Variants in CHPF2 observed in about 807,000 individuals in gnomAD.
The protein encoded by CHPF2 is chondroitin polymerizing factor 2, non-catalytic subunit.
In CHPF2, 58 loss-of-function variants were observed where a neutral mutation model predicts 63.0. The observed-to-expected ratio is 0.92, with a 90% CI of 0.75 to 1.15. CHPF2 has a LOEUF of 1.15. Among genes scored for constraint, CHPF2 ranks in the 50% most tolerant of loss-of-function variants. The pLI, the probability that CHPF2 is intolerant of heterozygous loss-of-function variation, is 0.00. For synonymous variants in CHPF2, 442 were observed against 438.0 expected, an observed-to-expected ratio of 1.01 and a Z score of -0.11; for missense variants, 1,045 against 1,035.4, an observed-to-expected ratio of 1.01 and a Z score of -0.13.
chr7:151,236,557 G>T lies in CHPF2; in HGVS notation c.978G>T (p.Leu326Phe), dbSNP rs1447473256. The change falls in exon 3 of 4, where the codon TTG becomes TTT. Residue 326 changes from leucine (L) to phenylalanine (F), a missense_variant. Transcript: ENST00000035307. The stretch of plus-strand genomic sequence containing the variant: ...ACAAACGCTTCAGCGCTCTGGAGTT[G>T]GAGCGGGCTTACAGTGAAATAGAAC... ...RLHKRFSALE[L>F]ERAYSEIEQL... The T allele has an allele frequency of 6.3e-7, 1 of 1,598,756 alleles. No homozygotes were observed. Among genetic ancestry groups the T allele is most frequent in the Non-Finnish European group, 8.6e-7 (1 of 1,169,384 alleles).
rs145255413 is a variant in CHPF2, at chr7:151,233,399, A to G, written c.-613A>G. The G allele has an allele frequency of 9.5e-4, 932 of 985,670 alleles. 4 individuals are homozygous for G. The African/African-American group carries it at 0.015, about 16-fold the overall frequency. The allele number at this position is 985,670 out of a possible 1,614,324, so 61.1% of individuals were successfully genotyped here. A position where few individuals can be genotyped will look rare whatever the true frequency, so the allele number is the denominator to read the frequency against. ...TTCCTGTAGCCGTTGCGTCTTCTCA[A>G]ACACGGGGAGCAGAGTAGAAAGAGG... On this transcript the variant is annotated 5_prime_UTR_variant, in exon 1 of 4. Coordinates refer to ENST00000035307, the MANE Select transcript of CHPF2 (RefSeq NM_019015.3).
rs2252694 is a variant in CHPF2 at position 151,233,879 on chromosome 7, C to T, written c.-133C>T. On this transcript the variant is annotated 5_prime_UTR_variant, in exon 1 of 4. Coordinates refer to ENST00000035307, the MANE Select transcript of CHPF2 (RefSeq NM_019015.3). ...GCTGGTCCTGGAAGCCAGCGGGCCT[C>T]GCTCTGTCTTTGGCCTCATTGACCC... 888,977 of 1,296,992 alleles carry T rather than the reference C, an allele frequency of 0.69. 306,770 individuals carry two copies. The highest frequency in any genetic ancestry group is 0.9 in the East Asian group (31,205 of 34,786). The allele number at this position is 1,296,992 out of a possible 1,614,324, so 80.3% of individuals were successfully genotyped here. A position where few individuals can be genotyped will look rare whatever the true frequency, so the allele number is the denominator to read the frequency against.
In CHPF2 at chr7:151,236,511, G is replaced by A; in HGVS notation, c.932G>A (p.Gly311Asp). ...TTCGCCGTGCACCCTGTCTCCGAAG[G>A]TACCCTCATGTACCGGCTCCACAAA... The part of the protein sequence containing the change: ...SAFAVHPVSE[G>D]TLMYRLHKRF... The change falls in exon 3 of 4, where the codon GGT (glycine) becomes GAT (aspartate). Residue 311 changes from glycine to aspartate, a missense_variant. Physicochemically the swap from Gly to Asp is moderately conservative, Grantham distance 94 (BLOSUM62 -1). Transcript: ENST00000035307. 1 of 1,610,364 alleles carries A rather than the reference G, an allele frequency of 6.2e-7. No individual in the cohort carries two copies. The highest frequency in any genetic ancestry group is 8.5e-7 in the Non-Finnish European group (1 of 1,177,078).
chr7:151,237,742 G>T lies in CHPF2; in HGVS notation c.1380G>T (p.Arg460=). ...LECVTQRGHR[R]ALARRVSLLR... ...GTGTGACACAGCGTGGGCACCGGCG[G>T]GCCCTGGCTCGCAGGGTCAGCCTGC... Residue 460 remains arginine, a synonymous_variant, in exon 4 of 4, where the codon CGG becomes CGT. Transcript: ENST00000035307. 1.2e-6 allele frequency: 2 copies of T among 1,612,504 alleles called. No individual in the cohort carries two copies. Among genetic ancestry groups the T allele is most frequent in the South Asian group, 2.2e-5 (2 of 91,082 alleles).
At position 151,232,755 on chromosome 7, in the gene CHPF2, C is replaced by G; in HGVS notation, c.-1257C>G. On this transcript the variant is annotated 5_prime_UTR_variant, in exon 1 of 4. Coordinates refer to ENST00000035307, the MANE Select transcript of CHPF2 (RefSeq NM_019015.3). ...TGGGCGTCCCTCCTGGTCCTGCGCT[C>G]GCGGCCTCGATGCTGTCTCTGGCGC... is the stretch of plus-strand genomic sequence containing the variant. 6.6e-7 allele frequency: 1 copy of G among 1,508,592 alleles called. No individual in the cohort carries two copies. The highest frequency in any genetic ancestry group is 2.8e-5 in the East Asian group (1 of 36,162). 93.5% of individuals were successfully genotyped at this position (1,508,592 alleles called of 1,614,324 possible). A position where few individuals can be genotyped will look rare whatever the true frequency, so the allele number is the denominator to read the frequency against.
At position 151,236,498 on chromosome 7, in the gene CHPF2, CCT is replaced by C. The variant is rs1420184091; in HGVS notation, c.920_921del (p.Pro307ArgfsTer25). On this transcript the variant is annotated frameshift_variant, in exon 3 of 4. Transcript: ENST00000035307. LOFTEE classifies it high-confidence loss of function. ...TTTCCTGAGTGCCTTCGCCGTGCAC[CCT>C]GTCTCCGAAGGTACCCTCATGTACC... is the stretch of plus-strand genomic sequence containing the variant. ...SAFLSAFAVH[P>X]VSEGTLMYRL... 1 of 1,611,316 alleles carries C rather than the reference CCT, an allele frequency of 6.2e-7. No individual in the cohort carries two copies. Among genetic ancestry groups the C allele is most frequent in the Non-Finnish European group, 8.5e-7 (1 of 1,177,900 alleles).
Position 151,238,046 on chromosome 7 carries a change from G to T in CHPF2, c.1684G>T (p.Ala562Ser). ...LERRYPGTRL[A>S]WLAVRAEAPS... ...GCGACGGTACCCTGGGACGAGGCTG[G>T]CCTGGCTCGCTGTGCGAGCAGAGGC... The change falls in exon 4 of 4, where the codon GCC becomes TCC. Residue 562 changes from alanine (A) to serine (S), a missense_variant. Ala to Ser is a moderately conservative substitution (Grantham distance 99). Coordinates refer to ENST00000035307, the MANE Select transcript of CHPF2 (RefSeq NM_019015.3). 1 of 1,612,548 alleles carries T rather than the reference G, an allele frequency of 6.2e-7. No homozygotes were observed. The highest frequency in any genetic ancestry group is 8.5e-7 in the Non-Finnish European group (1 of 1,180,032).
chr7:151,238,417 GCTGGCAGGTGAA>G lies in CHPF2; in HGVS notation c.2064_2075del (p.Glu689_Gly692del), dbSNP rs749506887. On this transcript the variant is annotated inframe_deletion, in exon 4 of 4. Transcript: ENST00000035307. ...CTGACTACCTGGCGGCCCGAGCCCGGCTGGCAGGTGAACTGGCAGGCCAGGAAGAGGAGGAAG... is the reference window on the plus strand; with the variant it reads ...CTGACTACCTGGCGGCCCGAGCCCGGCTGGCAGGCCAGGAAGAGGAGGAAG... 10 of 1,596,042 alleles carry G rather than the reference GCTGGCAGGTGAA, an allele frequency of 6.3e-6. No individual in the cohort carries two copies. In the Admixed American group the frequency reaches 6.9e-5, roughly 11 times the overall value.
Position 151,232,532 on chromosome 7 carries a change from G to C in CHPF2, c.-1480G>C. 1 of 507,946 alleles carries C rather than the reference G, an allele frequency of 2.0e-6. No homozygotes were observed. Among genetic ancestry groups the C allele is most frequent in the Non-Finnish European group, 3.4e-6 (1 of 290,006 alleles). 31.5% of individuals were successfully genotyped at this position (507,946 alleles called of 1,614,324 possible). A position where few individuals can be genotyped will look rare whatever the true frequency, so the allele number is the denominator to read the frequency against. ...TGAGGTGGCAGCGGCTGCAGCGGCG[G>C]AGCCGGCGCCTCAGCGGGCACTGGG... On this transcript the variant is annotated 5_prime_UTR_variant, in exon 1 of 4. Transcript: ENST00000035307.
rs1424798066 is a variant in CHPF2, at chr7:151,237,763, C to T, written c.1401C>T (p.Ser467=). 2.5e-6 allele frequency: 4 copies of T among 1,612,260 alleles called. No individual in the cohort carries two copies. Among genetic ancestry groups the T allele is most frequent in the East Asian group, 4.5e-5 (2 of 44,892 alleles). ...GHRRALARRV[S]LLRPLSRVEI... The stretch of plus-strand genomic sequence containing the variant: ...GGCGGGCCCTGGCTCGCAGGGTCAG[C>T]CTGCTGCGGCCACTGAGCCGGGTGG... Residue 467 remains serine, a synonymous_variant, in exon 4 of 4, where the codon AGC becomes AGT. Transcript: ENST00000035307.
At chr7:151,237,337 G>C in intron 3 of CHPF2, 37 bp from the exon 4 acceptor site, 2 of 1,515,390 alleles carry the variant, frequency 1.3e-6, no homozygotes, top group South Asian at 2.5e-5. Flanking sequence ...GGATCCTGGA[G>C]CTGGCACTAA....
intron 3 of CHPF2, chr7:151,236,844 ACT>A (rs1802668217): frequency 5.0e-6 from 3 of 596,920 alleles, no homozygotes; most frequent in African/African-American, 3.7e-5. Flanking sequence ...TTGCAAGTAG[ACT>A]CTGAGGATCA....
At position 151,236,950 on chromosome 7, in the gene CHPF2, T is replaced by C. The variant is rs777810486; in HGVS notation, c.1011+360T>C. 4.2e-5 allele frequency: 22 copies of C among 523,764 alleles called. No individual in the cohort carries two copies. The Middle Eastern group carries it at 2.0e-3, about 48-fold the overall frequency. The allele number at this position is 523,764 out of a possible 1,614,324, so 32.4% of individuals were successfully genotyped here. On this transcript the variant is annotated intron_variant, in intron 3 of 3. Coordinates refer to ENST00000035307, the MANE Select transcript of CHPF2 (RefSeq NM_019015.3). ...GGCAAAAACTCTGAAGTTTCTTTACTTCTAGAACTGTCCCAAGAAAGCCCA... is the reference window on the plus strand; with the variant it reads ...GGCAAAAACTCTGAAGTTTCTTTACCTCTAGAACTGTCCCAAGAAAGCCCA...
intron 2 of CHPF2, among the ~76,000 whole-genome samples, chr7:151,235,862 C>CCCTCCACACCTCCCCCGA (rs1802629025): frequency 7.2e-6 from 1 of 138,240 alleles, no homozygotes; most frequent in South Asian, 2.3e-4. Flanking sequence ...TGCCCCCCTG[C>CCCTCCACACCTCCCCCGA]CCTCCACACC....
Position 151,234,240 on chromosome 7 carries a change from AG to A in CHPF2, c.232del (p.Asp78ThrfsTer30). 2 of 1,606,602 alleles carry A rather than the reference AG, an allele frequency of 1.2e-6. No individual in the cohort carries two copies. Among genetic ancestry groups the A allele is most frequent in the Non-Finnish European group, 1.7e-6 (2 of 1,176,284 alleles). On this transcript the variant is annotated frameshift_variant, in exon 1 of 4. Coordinates refer to ENST00000035307, the MANE Select transcript of CHPF2 (RefSeq NM_019015.3). LOFTEE classifies it high-confidence loss of function. ...CAAACCCCGGATTGTCCCCTACTAC[AG>A]GGACCCCAACAAGCCCTACAAGAAG... ...DFKPRIVPYYRDPNKPYKKVL... is the reference protein window; with the variant it reads ...DFKPRIVPYYXDPNKPYKKVL...
Position 151,233,811 on chromosome 7 carries a change from C to T in CHPF2, c.-201C>T, listed in dbSNP as rs1802545667. 1.1e-5 allele frequency: 14 copies of T among 1,239,120 alleles called. No individual in the cohort carries two copies. Among genetic ancestry groups the T allele is most frequent in the Non-Finnish European group, 1.4e-5 (14 of 992,574 alleles). 76.8% of individuals were successfully genotyped at this position (1,239,120 alleles called of 1,614,324 possible). ...TTCCGACACCTTCACAGTTGAAGAGCAGGCAGAAGGAGTTGTGAAGACAGG... is the reference window on the plus strand; with the variant it reads ...TTCCGACACCTTCACAGTTGAAGAGTAGGCAGAAGGAGTTGTGAAGACAGG... On this transcript the variant is annotated 5_prime_UTR_variant, in exon 1 of 4. Coordinates refer to ENST00000035307, the MANE Select transcript of CHPF2 (RefSeq NM_019015.3).
At position 151,237,713 on chromosome 7, in the gene CHPF2, G is replaced by C. The variant is rs759463177; in HGVS notation, c.1351G>C (p.Glu451Gln). The change falls in exon 4 of 4, where the codon GAA becomes CAA. Residue 451 changes from glutamate (E) to glutamine (Q), a missense_variant. Transcript: ENST00000035307. ...GGAGTACACCCTGGACCTGCTGTTG[G>C]AATGTGTGACACAGCGTGGGCACCG... The part of the protein sequence containing the change: ...GMEYTLDLLL[E>Q]CVTQRGHRRA... The C allele has an allele frequency of 4.8e-5, 77 of 1,612,822 alleles. No individual in the cohort carries two copies. The highest frequency in any genetic ancestry group is 6.0e-5 in the Non-Finnish European group (71 of 1,179,916).
rs1481817392 is a variant in CHPF2, at chr7:151,237,817, G to GGCCACCCGA, written c.1457_1465dup (p.Ala486_Arg488dup). 4 of 1,612,566 alleles carry GGCCACCCGA rather than the reference G, an allele frequency of 2.5e-6. No homozygotes were observed. In the African/African-American group the frequency reaches 5.3e-5, roughly 22 times the overall value. On this transcript the variant is annotated inframe_insertion, in exon 4 of 4. Transcript: ENST00000035307. Reference sequence around the variant, plus strand: ...TCCTACCTATGCCCTATGTCACTGAGGCCACCCGAGTGCAGCTGGTGCTGC... The same window carrying GGCCACCCGA: ...TCCTACCTATGCCCTATGTCACTGAGGCCACCCGAGCCACCCGAGTGCAGCTGGTGCTGC...
rs112985049 is a variant in CHPF2 at position 151,232,755 on chromosome 7, C to T, written c.-1257C>T. Reference sequence around the variant, plus strand: ...TGGGCGTCCCTCCTGGTCCTGCGCTCGCGGCCTCGATGCTGTCTCTGGCGC... The same window carrying T: ...TGGGCGTCCCTCCTGGTCCTGCGCTTGCGGCCTCGATGCTGTCTCTGGCGC... On this transcript the variant is annotated 5_prime_UTR_variant, in exon 1 of 4. Transcript: ENST00000035307. 4.1e-3 allele frequency: 6,127 copies of T among 1,508,582 alleles called. 146 individuals carry two copies. In the African/African-American group the frequency reaches 0.067, roughly 17 times the overall value. The allele number at this position is 1,508,582 out of a possible 1,614,324, so 93.4% of individuals were successfully genotyped here. A position where few individuals can be genotyped will look rare whatever the true frequency, so the allele number is the denominator to read the frequency against.
Sources: gnomAD v4.1 joint callset for allele counts (sites outside exome capture counted in the v4.1 genomes callset) on GRCh38, gnomAD v4.1.1 for gene constraint, MANE v1.5 for transcripts, NCBI Gene and HGNC (gene_info 2026-07-23, HGNC 2026-07-21) for gene names.